Variants in HID1 observed in about 807,000 individuals in gnomAD.
HID1 encodes the protein HID1 domain containing.
In HID1, 42 loss-of-function variants were observed where a neutral mutation model predicts 89.7. The ratio of observed to expected loss-of-function variants is 0.47; its 90% CI spans 0.37 to 0.61. The LOEUF (loss-of-function observed/expected upper bound fraction) is 0.61. Among genes scored for constraint, HID1 ranks in the 20% least tolerant of loss-of-function variants. The pLI is 0.00. For synonymous variants in HID1, 442 were observed against 433.8 expected, an observed-to-expected ratio of 1.02 and a Z score of -0.24; for missense variants, 854 against 1,039.3, an observed-to-expected ratio of 0.82 and a Z score of 2.45.
At chr17:74,965,973 G>A (rs2039555986) in intron 1 of HID1, among the ~76,000 whole-genome samples, 1 of 151,370 alleles carries the variant, frequency 6.6e-6, no homozygotes, top group Admixed American at 6.6e-5. Context: ...CACAATTCAT[G>A]TTAAATTATA....
chr17:74,955,502 A>G (rs201562969), intron 13 of HID1, among the ~76,000 whole-genome samples: 1 of 12,736 alleles, frequency 7.9e-5, no homozygotes, highest in African/African-American at 9.9e-5. Context: ...CGCCGTCGGG[A>G]AAAAAAAAAA....
intron 1 of HID1, among the ~76,000 whole-genome samples, chr17:74,966,701 G>A (rs1454705613): frequency 6.6e-6 from 1 of 152,096 alleles, no homozygotes; most frequent in Admixed American, 6.5e-5. Context: ...TGTAATCCCA[G>A]CACTTTGGGA....
chr17:74,966,546 C>A (rs889447628), intron 1 of HID1, among the ~76,000 whole-genome samples: 1 of 152,060 alleles, frequency 6.6e-6, no homozygotes, highest in Non-Finnish European at 1.5e-5. Context: ...AGCTTTTTTC[C>A]TTCTCTGAAA....
At chr17:74,968,624 G>A (rs2039597917) in intron 1 of HID1, among the ~76,000 whole-genome samples, 1 of 152,152 alleles carries the variant, frequency 6.6e-6, no homozygotes, top group African/African-American at 2.4e-5. Context: ...CCTCAGCCAG[G>A]ACAGCCCTCT....
At chr17:74,963,567 C>A (rs2039517055) in intron 3 of HID1, 173 bp downstream of exon 3, 3 of 646,928 alleles carry the variant, frequency 4.6e-6, no homozygotes, top group African/African-American at 1.8e-5. Context: ...GGGAGGGGAA[C>A]TGAGGGCCCA....
intron 12 of HID1, among the ~76,000 whole-genome samples, chr17:74,957,591 T>C (rs988341135): frequency 1.8e-4 from 28 of 151,510 alleles, no homozygotes; most frequent in Admixed American, 1.4e-3. Flanking sequence ...TCAAAAAAAA[T>C]TGTTAAATTT....
rs759642118 is a variant in HID1 at position 74,958,407 on chromosome 17, G to T, written c.1312C>A (p.Arg438=). 6.2e-7 allele frequency: 1 copy of T among 1,607,942 alleles called. No individual in the cohort carries two copies. Among genetic ancestry groups the T allele is most frequent in the East Asian group, 2.2e-5 (1 of 44,668 alleles). ...CGGATTGAGTAGGGTTTGTTCAGCC[G>T]CACCCCGAAGTTCCGCTCCCCGCTC... ...LLSGERNFGV[R]LNKPYSIRVP... The change falls in exon 11 of 19, where the codon CGG becomes AGG. Residue 438 remains arginine (R), a synonymous_variant. Transcript: ENST00000425042. The surrounding 1 kb of genome is among the most constrained non-coding windows in gnomAD (Gnocchi z 5.2).
At position 74,963,276 on chromosome 17, in the gene HID1, C is replaced by A. The variant is rs185393689; in HGVS notation, c.388-195G>T. On this transcript the variant is annotated intron_variant, in intron 3 of 18. Transcript: ENST00000425042. ...AGTGGGGCACAGCAGGGAGCCGGGC[C>A]GGGAACAGCGAGGGAACCTCCCCTA... The A allele has an allele frequency of 7.2e-4, 399 of 551,672 alleles. 1 individual carries two copies. The highest frequency in any genetic ancestry group is 6.8e-3 in the African/African-American group (352 of 52,134). The allele number at this position is 551,672 out of a possible 1,614,324, so 34.2% of individuals were successfully genotyped here. A position where few individuals can be genotyped will look rare whatever the true frequency, so the allele number is the denominator to read the frequency against.
intron 17 of HID1, 88 bp from the exon 18 acceptor site, chr17:74,952,151 T>A (rs2031507288): frequency 8.5e-6 from 13 of 1,520,732 alleles, no homozygotes; most frequent in Non-Finnish European, 9.8e-6. Context: ...ATGTTTCCCA[T>A]CACACGCCTA....
rs374489090 is a variant in HID1, at chr17:74,959,645, C to G, written c.1008+236G>C. Among the ~76,000 whole-genome samples the G allele has an allele frequency of 6.6e-6, 1 of 152,144 alleles. No homozygotes were observed. Among genetic ancestry groups the G allele is most frequent in the African/African-American group, 2.4e-5 (1 of 41,406 alleles). Reference sequence around the variant, plus strand: ...GTCATTCCCCTTTTGTCCCCACCACCTCTGAAATGACATCAGCCACCTCCT... The same window carrying G: ...GTCATTCCCCTTTTGTCCCCACCACGTCTGAAATGACATCAGCCACCTCCT... On this transcript the variant is annotated intron_variant, in intron 8 of 18. Coordinates refer to ENST00000425042, the MANE Select transcript of HID1 (RefSeq NM_030630.3). This position sits in a 1 kb window ranked among gnomAD's most constrained non-coding sequence, Gnocchi z 4.6.
At chr17:74,960,513 C>T (rs1309037339) in intron 6 of HID1, among the ~76,000 whole-genome samples, 1 of 152,238 alleles carries the variant, frequency 6.6e-6, no homozygotes, top group African/African-American at 2.4e-5. Context: ...GGCTTCCCCT[C>T]AGGGAGCAGA....
chr17:74,955,284 C>T (rs1427615684), intron 13 of HID1, among the ~76,000 whole-genome samples: 4 of 152,184 alleles, frequency 2.6e-5, no homozygotes, highest in African/African-American at 9.7e-5. Flanking sequence ...GCGGCTCATG[C>T]CTGTTATCCC....
intron 2 of HID1, 114 bp downstream of exon 2, chr17:74,964,369 T>A: frequency 8.5e-7 from 1 of 1,170,510 alleles, no homozygotes; most frequent in Non-Finnish European, 1.2e-6. Context: ...AAGAGCTGAG[T>A]GAGGCCACAG....
chr17:74,957,619 G>T (rs1390582229), intron 12 of HID1, among the ~76,000 whole-genome samples: 1 of 150,620 alleles, frequency 6.6e-6, no homozygotes, highest in Non-Finnish European at 1.5e-5. Context: ...TTAAAAAAAG[G>T]CCAGATGCAG....
intron 12 of HID1, among the ~76,000 whole-genome samples, chr17:74,956,187 C>CT (rs1224358584): frequency 6.6e-6 from 1 of 152,144 alleles, no homozygotes; most frequent in Non-Finnish European, 1.5e-5. Context: ...AGCTGTCCTG[C>CT]TTATAAAGCC....
chr17:74,963,182 G>T, intron 3 of HID1, 101 bp from the exon 4 acceptor site: 1 of 769,968 alleles, frequency 1.3e-6, no homozygotes, highest in Non-Finnish European at 2.1e-6. Context: ...GCCCAGGCGG[G>T]CACCCATGGG....
rs181405982 is a variant in HID1 at position 74,971,679 on chromosome 17, G to A, written c.66+912C>T. Among the ~76,000 whole-genome samples, 109 of 152,314 alleles carry A rather than the reference G, an allele frequency of 7.2e-4. 1 individual carries two copies. The East Asian group carries it at 0.017, about 23-fold the overall frequency. ...ATGGGGGACATGGGGAGTCAGGGCC[G>A]AGCATCTCTGTGGCCACGGTGGCCT... On this transcript the variant is annotated intron_variant, in intron 1 of 18. Coordinates refer to ENST00000425042, the MANE Select transcript of HID1 (RefSeq NM_030630.3).
Position 74,951,505 on chromosome 17 carries a change from TG to T in HID1, c.*64del. The T allele has an allele frequency of 1.4e-6, 2 of 1,461,590 alleles. No homozygotes were observed. 90.5% of individuals were successfully genotyped at this position (1,461,590 alleles called of 1,614,324 possible). A position where few individuals can be genotyped will look rare whatever the true frequency, so the allele number is the denominator to read the frequency against. On this transcript the variant is annotated 3_prime_UTR_variant, in exon 19 of 19. Transcript: ENST00000425042. ...GTAATTTAAAGCTCAGAATGGTGGATGGGGGAAGCCTCAGGGACCAAGGCCC... is the reference window on the plus strand; with the variant it reads ...GTAATTTAAAGCTCAGAATGGTGGATGGGGAAGCCTCAGGGACCAAGGCCC...
At position 74,953,053 on chromosome 17, in the gene HID1, G is replaced by A. The variant is rs2039330336; in HGVS notation, c.2005C>T (p.Pro669Ser). The change falls in exon 16 of 19, where the codon CCG becomes TCG. Residue 669 changes from proline to serine, a missense_variant. Transcript: ENST00000425042. ...TGCCCACTGGCTGATGAGGTGGACG[G>A]TCGCCGCTGCTCCCTCCATGCCTGG... ...PSQAWREQRR[P>S]STSSASGQWS... 1 of 1,608,692 alleles carries A rather than the reference G, an allele frequency of 6.2e-7. No homozygotes were observed. Among genetic ancestry groups the A allele is most frequent in the Non-Finnish European group, 8.5e-7 (1 of 1,178,446 alleles).
Sources: allele counts gnomAD v4.1 joint callset (sites outside exome capture counted in the v4.1 genomes callset), GRCh38; gene constraint gnomAD v4.1.1; non-coding constraint Gnocchi (gnomAD v3.1); transcripts MANE v1.5; gene names NCBI Gene and HGNC (gene_info 2026-07-23, HGNC 2026-07-21).